MARK1: variants seen among roughly 807,000 people sequenced by gnomAD.
MARK1 encodes microtubule affinity regulating kinase 1, also known as serine/threonine-protein kinase MARK1.
Under a neutral mutation model 96.3 loss-of-function variants are expected in MARK1, and 40 were observed. The ratio of observed to expected loss-of-function variants is 0.42; its 90% CI spans 0.32 to 0.54. The LOEUF (loss-of-function observed/expected upper bound fraction) is 0.54. MARK1 is among the 20% of genes least tolerant of loss of function. The probability of loss-of-function intolerance (pLI) is 0.16; values close to 1 mark genes in which losing one functional copy is unlikely to be tolerated. For missense variants in MARK1, 719 were observed against 984.6 expected (o/e 0.73, Z 3.61); for synonymous variants, 317 against 341.2 (o/e 0.93, Z 0.78).
intron 6 of MARK1, among the ~76,000 whole-genome samples, chr1:220,614,344 C>T (rs1321259670): frequency 4.7e-5 from 7 of 150,534 alleles, no homozygotes; most frequent in Non-Finnish European, 7.4e-5. Flanking sequence ...TAATGCATTT[C>T]GTCACCTCCC....
intron 14 of MARK1, 31 bp downstream of exon 14, chr1:220,650,751 T>TC: frequency 6.7e-7 from 1 of 1,494,570 alleles, no homozygotes; most frequent in Non-Finnish European, 9.3e-7. Context: ...TAGTAATACC[T>TC]TTGCTGTTGT....
chr1:220,529,842 C>G (rs538934588), intron 1 of MARK1, among the ~76,000 whole-genome samples: 9 of 152,334 alleles, frequency 5.9e-5, no homozygotes, highest in African/African-American at 1.9e-4. Flanking sequence ...GTTTAAAACA[C>G]TCAAGACCTG....
At chr1:220,661,082 G>A (rs746883864) in intron 17 of MARK1, among the ~76,000 whole-genome samples, 1 of 152,194 alleles carries the variant, frequency 6.6e-6, no homozygotes, top group Non-Finnish European at 1.5e-5. Context: ...ATGACAGAGG[G>A]AACAGTCTGT....
intron 1 of MARK1, among the ~76,000 whole-genome samples, chr1:220,561,940 T>C (rs1025512891): frequency 3.9e-5 from 6 of 152,172 alleles, no homozygotes; most frequent in Non-Finnish European, 8.8e-5. Flanking sequence ...GGGGAAAACT[T>C]ACCATGAGAA....
chr1:220,604,182 G>C lies in MARK1; in HGVS notation c.495+45G>C, dbSNP rs766667470. On this transcript the variant is annotated intron_variant, in intron 6 of 17. Coordinates refer to ENST00000366917, the MANE Select transcript of MARK1 (RefSeq NM_018650.5). ...ACTTTGTTTTGCTGATAATTGTAGCGATGTACAATGGACAGTATTACAAAC... is the reference window on the plus strand; with the variant it reads ...ACTTTGTTTTGCTGATAATTGTAGCCATGTACAATGGACAGTATTACAAAC... The C allele has an allele frequency of 1.3e-5, 16 of 1,255,012 alleles. No homozygotes were observed. In the East Asian group the frequency reaches 3.7e-4, roughly 29 times the overall value. 77.7% of individuals were successfully genotyped at this position (1,255,012 alleles called of 1,614,324 possible).
Position 220,635,899 on chromosome 1 carries a change from A to G in MARK1, c.1343A>G (p.Glu448Gly). Residue 448 changes from glutamate to glycine, a missense_variant, in exon 13 of 18, where the codon GAA (glutamate) becomes GGA (glycine). Around this residue, in one of 4 missense-constraint regions of MARK1, gnomAD observed 501 missense variants for 588.3 expected, o/e 0.85. Coordinates refer to ENST00000366917, the MANE Select transcript of MARK1 (RefSeq NM_018650.5). ...CCTCAGGCTAACAGTGTGGAAAGTG[A>G]ACAGAAAGAGGAGTGGGACAAAGAT... ...KRPQANSVES[E>G]QKEEWDKDVA... is the part of the protein sequence containing the mutation. 6.2e-7 allele frequency: 1 copy of G among 1,614,058 alleles called. No homozygotes were observed. The highest frequency in any genetic ancestry group is 8.5e-7 in the Non-Finnish European group (1 of 1,179,998).
At chr1:220,575,281 A>T (rs1405183265) in intron 1 of MARK1, among the ~76,000 whole-genome samples, 1 of 152,250 alleles carries the variant, frequency 6.6e-6, no homozygotes, top group Non-Finnish European at 1.5e-5. Flanking sequence ...AACTTGAAGA[A>T]AGAATGACAG....
At chr1:220,639,837 G>A (rs1668171186) in intron 13 of MARK1, among the ~76,000 whole-genome samples, 2 of 152,114 alleles carry the variant, frequency 1.3e-5, no homozygotes, top group African/African-American at 2.4e-5. Flanking sequence ...AATTTAGAGA[G>A]TAGTTATTTC....
At chr1:220,616,019 T>TAAAAAA in intron 7 of MARK1, 24 bp downstream of exon 7, 1 of 1,153,014 alleles carries the variant, frequency 8.7e-7, no homozygotes, top group Non-Finnish European at 1.2e-6. Flanking sequence ...TGTAATTTTT[T>TAAAAAA]TAAAAAAAAA....
intron 1 of MARK1, among the ~76,000 whole-genome samples, chr1:220,531,042 G>T (rs1490107907): frequency 6.6e-6 from 1 of 152,138 alleles, no homozygotes; most frequent in Non-Finnish European, 1.5e-5. Flanking sequence ...TCCCAAACAA[G>T]TAATGTATGG....
rs1311195238 is a variant in MARK1, at chr1:220,635,986, T to C, written c.1430T>C (p.Leu477Pro). 2.5e-6 allele frequency: 4 copies of C among 1,613,684 alleles called. No individual in the cohort carries two copies. Among genetic ancestry groups the C allele is most frequent in the Non-Finnish European group, 3.4e-6 (4 of 1,179,866 alleles). ...GSKSEMTASP[L>P]VGPERKKSST... ...AAAAGCGAGATGACTGCAAGCCCTCTTGTAGGGCCAGAGAGGAAAAAATCT... is the reference window on the plus strand; with the variant it reads ...AAAAGCGAGATGACTGCAAGCCCTCCTGTAGGGCCAGAGAGGAAAAAATCT... The change falls in exon 13 of 18, where the codon CTT becomes CCT. Residue 477 changes from leucine to proline, a missense_variant. By Grantham distance (98) the Leu-to-Pro change is moderately conservative. Around this residue, in one of 4 missense-constraint regions of MARK1, gnomAD observed 501 missense variants for 588.3 expected, o/e 0.85. Coordinates refer to ENST00000366917, the MANE Select transcript of MARK1 (RefSeq NM_018650.5).
chr1:220,626,105 T>C, intron 9 of MARK1: 2 of 615,042 alleles, frequency 3.3e-6, no homozygotes, highest in Admixed American at 2.0e-5. Context: ...GCTGTGAAAC[T>C]TAATAAGCAG....
intron 3 of MARK1, among the ~76,000 whole-genome samples, chr1:220,584,723 T>G (rs1484942306): frequency 6.6e-6 from 1 of 152,240 alleles, no homozygotes; most frequent in Non-Finnish European, 1.5e-5. Context: ...ATTCAATATA[T>G]TTTAGCAAAT....
chr1:220,587,067 C>T (rs1255419357), intron 3 of MARK1, among the ~76,000 whole-genome samples: 3 of 152,074 alleles, frequency 2.0e-5, no homozygotes, highest in Non-Finnish European at 4.4e-5. Context: ...TCTTTCCTAC[C>T]TAGAAATAAC....
rs1032979886 is a variant in MARK1 at position 220,565,773 on chromosome 1, T to C, written c.52-13581T>C. 2.0e-5 allele frequency among the ~76,000 whole-genome samples: 3 copies of C among 152,296 alleles called. No individual in the cohort carries two copies. In the South Asian group the frequency reaches 6.2e-4, roughly 32 times the overall value. On this transcript the variant is annotated intron_variant, in intron 1 of 17. Transcript: ENST00000366917. ...ATTTTTGATGTTTTTCTCTCACTTA[T>C]TGTTTTTAGTTATTGGTAAGGCTGG...
chr1:220,591,854 T>A (rs1241310564), intron 3 of MARK1, among the ~76,000 whole-genome samples: 1 of 152,126 alleles, frequency 6.6e-6, no homozygotes, highest in African/African-American at 2.4e-5. Context: ...TTTCCAGTTT[T>A]GTTTTGTTTT....
intron 1 of MARK1, among the ~76,000 whole-genome samples, chr1:220,530,983 G>A (rs1168345400): frequency 6.6e-6 from 1 of 152,158 alleles, no homozygotes; most frequent in African/African-American, 2.4e-5. Flanking sequence ...TAGAAGTAGT[G>A]TTTAAGATAA....
chr1:220,538,255 T>G (rs1313027771), intron 1 of MARK1, among the ~76,000 whole-genome samples: 2 of 152,178 alleles, frequency 1.3e-5, no homozygotes, highest in African/African-American at 4.8e-5. Flanking sequence ...CATTTTAGTA[T>G]AAGGTGTAAG....
chr1:220,556,906 A>T (rs1170596510), intron 1 of MARK1, among the ~76,000 whole-genome samples: 1 of 152,302 alleles, frequency 6.6e-6, no homozygotes, highest in African/African-American at 2.4e-5. Flanking sequence ...GTTAATAAAT[A>T]TGGAATACAG....
Sources: gnomAD v4.1 joint callset for allele counts (sites outside exome capture counted in the v4.1 genomes callset) on GRCh38, gnomAD v4.1.1 for gene constraint, gnomAD v4.1.1 regional missense constraint, MANE v1.5 for transcripts, NCBI Gene and HGNC (gene_info 2026-07-23, HGNC 2026-07-21) for gene names.